The following PLXNA2 variants were observed in gnomAD, a reference collection of about 807,000 sequenced individuals.
PLXNA2 encodes the protein plexin-A2.
In PLXNA2, 91 loss-of-function variants were observed where a neutral mutation model predicts 193.5. The ratio of observed to expected loss-of-function variants is 0.47; its 90% confidence interval spans 0.40 to 0.56. The LOEUF (loss-of-function observed/expected upper bound fraction) is 0.56, where lower values mean the gene tolerates loss of function less well. Ranked by LOEUF, PLXNA2 falls within the 20% of genes least tolerant of loss-of-function variation. The pLI is 0.00. For synonymous variants in PLXNA2, 997 were observed against 1,027.3 expected (o/e 0.97, Z 0.56); for missense variants, 1,995 against 2,503.2 (o/e 0.80, Z 4.33).
At chr1:208,048,331 C>T (rs1665146228) in intron 17 of PLXNA2, among the ~76,000 whole-genome samples, 1 of 152,204 alleles carries the variant, frequency 6.6e-6, no homozygotes, top group Admixed American at 6.5e-5. Context: ...CCCAACCAGG[C>T]AGGGCTTCAG....
At chr1:208,148,686 G>A (rs921626142) in intron 3 of PLXNA2, among the ~76,000 whole-genome samples, 1 of 152,176 alleles carries the variant, frequency 6.6e-6, no homozygotes, top group Non-Finnish European at 1.5e-5. Flanking sequence ...CGGTGATGGG[G>A]AAATGGACAA....
chr1:208,148,930 A>C (rs1668675790), intron 3 of PLXNA2, among the ~76,000 whole-genome samples: 1 of 152,236 alleles, frequency 6.6e-6, no homozygotes, highest in African/African-American at 2.4e-5. Flanking sequence ...GTTATGCCTG[A>C]GCTCAGATTT....
At position 208,023,297 on chromosome 1, in the gene PLXNA2, G is replaced by A. The variant is rs1185854280; in HGVS notation, c.*3946C>T. ...AAAAAAGACGGCCTCTCCTGGAGCA[G>A]CTGCTGGATCAGTATTTACCAGGAG... On this transcript the variant is annotated 3_prime_UTR_variant, in exon 32 of 32. Transcript: ENST00000367033. 6.5e-6 allele frequency: 1 copy of A among 152,684 alleles called. No individual in the cohort carries two copies. Among genetic ancestry groups the A allele is most frequent in the Admixed American group, 6.5e-5 (1 of 15,284 alleles). The allele number at this position is 152,684 out of a possible 1,614,324, so 9.5% of individuals were successfully genotyped here. A position where few individuals can be genotyped will look rare whatever the true frequency, so the allele number is the denominator to read the frequency against.
intron 8 of PLXNA2, among the ~76,000 whole-genome samples, chr1:208,094,566 A>G (rs1308445084): frequency 6.6e-6 from 1 of 152,216 alleles, no homozygotes; most frequent in Non-Finnish European, 1.5e-5. Flanking sequence ...AATGGATTCC[A>G]TCACCACCAT....
chr1:208,040,064 G>A lies in PLXNA2; in HGVS notation c.4287-6C>T. On this transcript the variant is annotated splice_region_variant and splice_polypyrimidine_tract_variant and intron_variant, in intron 22 of 31. Coordinates refer to ENST00000367033, the MANE Select transcript of PLXNA2 (RefSeq NM_025179.4). ...TTTCAGCCACAGACTCTGTCCTGGGGAAGGGACAAAGGGTAAGGGGCAGTC... is the reference window on the plus strand; with the variant it reads ...TTTCAGCCACAGACTCTGTCCTGGGAAAGGGACAAAGGGTAAGGGGCAGTC... The A allele has an allele frequency of 6.2e-7, 1 of 1,613,538 alleles. No individual in the cohort carries two copies. Among genetic ancestry groups the A allele is most frequent in the African/African-American group, 1.3e-5 (1 of 75,050 alleles).
intron 17 of PLXNA2, among the ~76,000 whole-genome samples, chr1:208,050,247 AGG>A (rs1349692416): frequency 6.6e-6 from 1 of 152,260 alleles, no homozygotes; most frequent in Non-Finnish European, 1.5e-5. Flanking sequence ...AAGCTGAGGC[AGG>A]TCTGCTTGTC....
chr1:208,149,444 TG>T (rs1231046539), intron 3 of PLXNA2, among the ~76,000 whole-genome samples: 1 of 151,930 alleles, frequency 6.6e-6, no homozygotes, highest in African/African-American at 2.4e-5. Flanking sequence ...TGTATGAGTA[TG>T]GTATGTGTTG....
intron 3 of PLXNA2, among the ~76,000 whole-genome samples, chr1:208,163,461 T>G (rs1047229571): frequency 6.6e-6 from 1 of 151,344 alleles, no homozygotes; most frequent in African/African-American, 2.4e-5. Flanking sequence ...ATGTGGGAAA[T>G]GAGAGAGAGG....
rs138150368 is a variant in PLXNA2 at position 208,061,889 on chromosome 1, G to A, written c.2587-1052C>T. Reference sequence around the variant, plus strand: ...AGATAGCAGAGGAACACAGAATTTCGTAACTGGAAGGGATCTGAGAGTATC... The same window carrying A: ...AGATAGCAGAGGAACACAGAATTTCATAACTGGAAGGGATCTGAGAGTATC... On this transcript the variant is annotated intron_variant, in intron 12 of 31. Coordinates refer to ENST00000367033, the MANE Select transcript of PLXNA2 (RefSeq NM_025179.4). 5.9e-4 allele frequency among the ~76,000 whole-genome samples: 90 copies of A among 152,260 alleles called. 1 individual carries two copies. The East Asian group carries it at 0.014, about 24-fold the overall frequency.
intron 1 of PLXNA2, among the ~76,000 whole-genome samples, chr1:208,219,201 A>G (rs1671240757): frequency 6.6e-6 from 1 of 152,178 alleles, no homozygotes; most frequent in Non-Finnish European, 1.5e-5. Flanking sequence ...CCCTGTTCCA[A>G]GGAAGCTGCC....
chr1:208,081,238 C>T (rs1666329612), intron 11 of PLXNA2, among the ~76,000 whole-genome samples: 2 of 152,198 alleles, frequency 1.3e-5, no homozygotes, highest in Admixed American at 1.3e-4. Context: ...AAAAAATAAT[C>T]CTCCTGGCTC....
At chr1:208,054,991 C>T (rs529952641) in intron 13 of PLXNA2, among the ~76,000 whole-genome samples, 9 of 152,216 alleles carry the variant, frequency 5.9e-5, no homozygotes, top group African/African-American at 1.2e-4. Flanking sequence ...TTTGCCAAGC[C>T]GATTCAGTTG....
rs972832543 is a variant in PLXNA2, at chr1:208,200,795, G to A, written c.1371+9485C>T. Among the ~76,000 whole-genome samples, 43 of 151,664 alleles carry A rather than the reference G, an allele frequency of 2.8e-4. 1 individual carries two copies. Among genetic ancestry groups the A allele is most frequent in the Non-Finnish European group, 4.0e-4 (27 of 67,884 alleles). On this transcript the variant is annotated intron_variant, in intron 3 of 31. Transcript: ENST00000367033. Reference sequence around the variant, plus strand: ...TTTTTTTTGTATTTTTAGTAGAGACGGAGTTTCGCCATGTTGGCCAGGCTG... The same window carrying A: ...TTTTTTTTGTATTTTTAGTAGAGACAGAGTTTCGCCATGTTGGCCAGGCTG...
At chr1:208,046,797 A>AGTGTGTGT (rs57420579) in intron 17 of PLXNA2, among the ~76,000 whole-genome samples, 5,052 of 129,580 alleles carry the variant, frequency 0.039, 154 homozygotes, top group Non-Finnish European at 0.059. Context: ...AGAACAGCAT[A>AGTGTGTGT]GTGTGTGTGT....
At position 208,212,868 on chromosome 1, in the gene PLXNA2, C is replaced by G. The variant is rs186242923; in HGVS notation, c.1189-2406G>C. Among the ~76,000 whole-genome samples, 3 of 152,350 alleles carry G rather than the reference C, an allele frequency of 2.0e-5. No individual in the cohort carries two copies. In the East Asian group the frequency reaches 5.8e-4, roughly 29 times the overall value. On this transcript the variant is annotated intron_variant, in intron 2 of 31. Transcript: ENST00000367033. The stretch of plus-strand genomic sequence containing the variant: ...AAAGTGATCCAGATTTTAGGCCTTT[C>G]TCTACTGAAACCAGCTGTGTGACCT...
chr1:208,073,751 G>C (rs775735445), intron 12 of PLXNA2, among the ~76,000 whole-genome samples: 14 of 150,970 alleles, frequency 9.3e-5, no homozygotes, highest in Non-Finnish European at 1.9e-4. Flanking sequence ...AATCCAATAT[G>C]ACAGGGTCTT....
At position 208,185,696 on chromosome 1, in the gene PLXNA2, CAAAAAAAAAAAA is replaced by C. The variant is rs56384277; in HGVS notation, c.1371+24572_1371+24583del. Among the ~76,000 whole-genome samples, 58 of 57,268 alleles carry C rather than the reference CAAAAAAAAAAAA, an allele frequency of 1.0e-3. 2 individuals carry two copies. The highest frequency in any genetic ancestry group is 4.0e-3 in the African/African-American group (56 of 14,040). 37.6% of individuals were successfully genotyped at this position (57,268 alleles called of 152,430 possible). On this transcript the variant is annotated intron_variant, in intron 3 of 31. Coordinates refer to ENST00000367033, the MANE Select transcript of PLXNA2 (RefSeq NM_025179.4). Reference sequence around the variant, plus strand: ...TTTATTCCTTGTTGGTCTCTGAAAGCAAAAAAAAAAAAAAAAAAAAAAGGAAAAAAAAAAAGA... The same window carrying C: ...TTTATTCCTTGTTGGTCTCTGAAAGCAAAAAAAAAAGGAAAAAAAAAAAGA...
Position 208,028,742 on chromosome 1 carries a change from T to A in PLXNA2, c.5438+88A>T, listed in dbSNP as rs1275631951. On this transcript the variant is annotated intron_variant, in intron 30 of 31. Coordinates refer to ENST00000367033, the MANE Select transcript of PLXNA2 (RefSeq NM_025179.4). This position sits in a 1 kb window ranked among gnomAD's most constrained non-coding sequence, Gnocchi z 4.2. Reference sequence around the variant, plus strand: ...GGTCCTGAAGAGATGACAGACACCGTCGTCTGAGTCCTTAGTCAGTGATGA... The same window carrying A: ...GGTCCTGAAGAGATGACAGACACCGACGTCTGAGTCCTTAGTCAGTGATGA... The A allele has an allele frequency of 1.7e-6, 2 of 1,210,446 alleles. No individual in the cohort carries two copies. The highest frequency in any genetic ancestry group is 3.0e-5 in the African/African-American group (2 of 66,052). 75.0% of individuals were successfully genotyped at this position (1,210,446 alleles called of 1,614,324 possible).
At chr1:208,220,804 C>A (rs535315179) in intron 1 of PLXNA2, among the ~76,000 whole-genome samples, 101 of 152,236 alleles carry the variant, frequency 6.6e-4, no homozygotes, top group Non-Finnish European at 1.2e-3. Flanking sequence ...CAGCTCTTGA[C>A]TTCTCTTTTT....
Sources: allele counts gnomAD v4.1 joint callset (sites outside exome capture counted in the v4.1 genomes callset), GRCh38; gene constraint gnomAD v4.1.1; non-coding constraint Gnocchi (gnomAD v3.1); transcripts MANE v1.5; gene names NCBI Gene and HGNC (gene_info 2026-07-23, HGNC 2026-07-21).